Variants in CYB561 observed in about 807,000 individuals in gnomAD.
CYB561 encodes cytochrome b561.
In CYB561, 11 loss-of-function variants were observed where a neutral mutation model predicts 25.3. That is an observed-to-expected ratio of 0.44 (90% CI 0.27 to 0.72). CYB561 has a LOEUF of 0.72. CYB561 is among the 30% of genes least tolerant of loss of function. CYB561 has a pLI of 0.18. For synonymous variants in CYB561, 165 were observed against 158.8 expected (o/e 1.04, Z -0.29); for missense variants, 295 against 334.9 (o/e 0.88, Z 0.93).
chr17:63,437,783 C>A lies in CYB561; in HGVS notation c.-13-223G>T, dbSNP rs11655983. 3.6e-4 allele frequency: 164 copies of A among 456,384 alleles called. 1 individual carries two copies. The highest frequency in any genetic ancestry group is 3.4e-3 in the African/African-American group (134 of 39,506). The allele number at this position is 456,384 out of a possible 1,614,324, so 28.3% of individuals were successfully genotyped here. ...GCCCCTGCTAGATGCGCGCAACACC[C>A]CCCCCGGGTTGCGCACAGCCCCCTC... On this transcript the variant is annotated intron_variant, in intron 1 of 5. Coordinates refer to ENST00000360793, the MANE Select transcript of CYB561 (RefSeq NM_001915.4).
At chr17:63,437,696 G>T in intron 1 of CYB561, 136 bp from the exon 2 acceptor site, 1 of 572,760 alleles carries the variant, frequency 1.7e-6, no homozygotes, top group Non-Finnish European at 2.9e-6. Context: ...GCGCACAGCC[G>T]CCCCCGGAGA....
intron 5 of CYB561, among the ~76,000 whole-genome samples, 185 bp downstream of exon 5, chr17:63,434,901 G>C (rs1426310864): frequency 6.6e-6 from 1 of 152,256 alleles, no homozygotes. Flanking sequence ...CTTTGAAAGG[G>C]TAAAATCAAG....
Position 63,436,658 on chromosome 17 carries a change from A to C in CYB561, c.203-506T>G. On this transcript the variant is annotated intron_variant, in intron 2 of 5. Transcript: ENST00000360793. This position sits in a 1 kb window ranked among gnomAD's most constrained non-coding sequence, Gnocchi z 4.8. Reference sequence around the variant, plus strand: ...GGCTCCTCACACAGGCCCCCACCTAAGCCTGGGCAGATGGTCCTACTCCTA... The same window carrying C: ...GGCTCCTCACACAGGCCCCCACCTACGCCTGGGCAGATGGTCCTACTCCTA... 6.1e-6 allele frequency: 1 copy of C among 163,550 alleles called. No individual in the cohort carries two copies. The highest frequency in any genetic ancestry group is 1.6e-4 in the South Asian group (1 of 6,278). The allele number at this position is 163,550 out of a possible 1,614,324, so 10.1% of individuals were successfully genotyped here. A position where few individuals can be genotyped will look rare whatever the true frequency, so the allele number is the denominator to read the frequency against.
chr17:63,445,878 T>C (rs2049418494), intron 1 of CYB561: 1 of 152,178 alleles, frequency 6.6e-6, no homozygotes, highest in Non-Finnish European at 1.5e-5. Flanking sequence ...CAAAGGCTGG[T>C]TGGTCCATTT....
chr17:63,438,842 G>T (rs377276115), intron 1 of CYB561, among the ~76,000 whole-genome samples: 1 of 152,232 alleles, frequency 6.6e-6, no homozygotes, highest in East Asian at 1.9e-4. Flanking sequence ...CTGGGGATGG[G>T]AGGAGAGGCG....
intron 1 of CYB561, among the ~76,000 whole-genome samples, chr17:63,438,630 G>T (rs2049342665): frequency 2.0e-5 from 3 of 152,328 alleles, no homozygotes; most frequent in Non-Finnish European, 4.4e-5. Flanking sequence ...TTCCAAAACT[G>T]AAGGCCCCCA....
At position 63,436,060 on chromosome 17, in the gene CYB561, G is replaced by C. The variant is rs1210431522; in HGVS notation, c.295C>G (p.Leu99Val). ...LLHIFALVIALVGLVAVFDYH... is the reference protein window; with the variant it reads ...LLHIFALVIAVVGLVAVFDYH... ...GCCGCGCCCGGGAACTCACCAACCA[G>C]GGCGATGACGAGCGCAAAGATGTGC... The change falls in exon 3 of 6, where the codon CTG becomes GTG. Residue 99 changes from leucine (L) to valine (V), a missense_variant. Physicochemically the swap from Leu to Val is conservative, Grantham distance 32. Transcript: ENST00000360793. The surrounding 1 kb of genome is among the most constrained non-coding windows in gnomAD (Gnocchi z 4.8). 1.2e-6 allele frequency: 2 copies of C among 1,614,080 alleles called. No homozygotes were observed. The highest frequency in any genetic ancestry group is 1.3e-5 in the African/African-American group (1 of 74,950).
intron 5 of CYB561, 134 bp downstream of exon 5, chr17:63,434,952 C>T: frequency 1.0e-6 from 1 of 977,096 alleles, no homozygotes; most frequent in Non-Finnish European, 1.5e-6. Context: ...CAAATCTTAG[C>T]AAGCATAACT....
intron 5 of CYB561, among the ~76,000 whole-genome samples, chr17:63,434,847 G>A (rs996443513): frequency 2.0e-5 from 3 of 152,236 alleles, no homozygotes; most frequent in African/African-American, 7.2e-5. Flanking sequence ...TGCAGATCCT[G>A]CTGCGTGGTG....
chr17:63,438,013 G>C (rs1351837380), intron 1 of CYB561: 24 of 1,031,824 alleles, frequency 2.3e-5, no homozygotes, highest in Admixed American at 3.3e-5. Context: ...AGCAGCGCTC[G>C]CTCTCCTACC....
rs1313309016 is a variant in CYB561, at chr17:63,434,045, C to T, written c.*357G>A. On this transcript the variant is annotated 3_prime_UTR_variant, in exon 6 of 6. Coordinates refer to ENST00000360793, the MANE Select transcript of CYB561 (RefSeq NM_001915.4). ...TGTCCCTGAGGCCCCCCCAGTTTCC[C>T]CTGGCCTTGCCCCAGGCATCTGCTG... is the stretch of plus-strand genomic sequence containing the variant. The T allele has an allele frequency of 3.8e-6, 1 of 260,986 alleles. No homozygotes were observed. The highest frequency in any genetic ancestry group is 7.2e-6 in the Non-Finnish European group (1 of 138,268). 16.2% of individuals were successfully genotyped at this position (260,986 alleles called of 1,614,324 possible).
chr17:63,445,107 T>C (rs919487310), intron 1 of CYB561, among the ~76,000 whole-genome samples: 3 of 151,848 alleles, frequency 2.0e-5, no homozygotes, highest in African/African-American at 7.3e-5. Context: ...ACCCGGAAGA[T>C]GGAGGTTGCA....
chr17:63,440,229 C>T (rs2049361235), intron 1 of CYB561: 1 of 398,810 alleles, frequency 2.5e-6, no homozygotes, highest in Non-Finnish European at 4.4e-6. Context: ...CAGCTCGTCC[C>T]AAGTCACCTT....
chr17:63,441,829 C>A (rs72488597), intron 1 of CYB561, among the ~76,000 whole-genome samples: 5,038 of 152,306 alleles, frequency 0.033, 273 homozygotes, highest in African/African-American at 0.11. Context: ...CGGGCGGTGC[C>A]CCCCCTCCTG....
rs2049236894 is a variant in CYB561, at chr17:63,432,581, C to T, written c.*1821G>A. 6.6e-6 allele frequency: 1 copy of T among 152,256 alleles called. No homozygotes were observed. Among genetic ancestry groups the T allele is most frequent in the South Asian group, 2.1e-4 (1 of 4,838 alleles). The allele number at this position is 152,256 out of a possible 1,614,324, so 9.4% of individuals were successfully genotyped here. ...AAGGCGGAGTTTTCCCACATGTAAA[C>T]ATTTCACTATACAAGTGTGTGCCAG... On this transcript the variant is annotated 3_prime_UTR_variant, in exon 6 of 6. Coordinates refer to ENST00000360793, the MANE Select transcript of CYB561 (RefSeq NM_001915.4).
chr17:63,441,040 G>A (rs1303220196), intron 1 of CYB561, among the ~76,000 whole-genome samples: 3 of 152,154 alleles, frequency 2.0e-5, no homozygotes, highest in East Asian at 1.9e-4. Context: ...GGAGAGGCCC[G>A]CAGAGCGAGG....
intron 2 of CYB561, 149 bp downstream of exon 2, chr17:63,437,197 C>G (rs1388868913): frequency 3.0e-6 from 2 of 666,472 alleles, no homozygotes; most frequent in East Asian, 5.5e-5. Context: ...TCCATCTCCC[C>G]AGGCTCTGAA....
In CYB561 at chr17:63,435,108, C is replaced by T; in HGVS notation, c.541G>A (p.Glu181Lys). Reference sequence around the variant, plus strand: ...CACCCGAGGTTGAACAGCAGTGCCTCCTTCAGGCCCAGCAGGGCGGTGCCC... The same window carrying T: ...CACCCGAGGTTGAACAGCAGTGCCTTCTTCAGGCCCAGCAGGGCGGTGCCC... The part of the protein sequence containing the change: ...SVGTALLGLK[E>K]ALLFNLGGKY... Residue 181 changes from glutamate (E) to lysine (K), a missense_variant, in exon 5 of 6, where the codon GAG becomes AAG. By Grantham distance (56) the Glu-to-Lys change is moderately conservative. Coordinates refer to ENST00000360793, the MANE Select transcript of CYB561 (RefSeq NM_001915.4). The T allele has an allele frequency of 6.2e-7, 1 of 1,613,904 alleles. No homozygotes were observed. Among genetic ancestry groups the T allele is most frequent in the Non-Finnish European group, 8.5e-7 (1 of 1,179,914 alleles).
rs1489218813 is a variant in CYB561, at chr17:63,433,095, CA to C, written c.*1306del. 8 of 307,466 alleles carry C rather than the reference CA, an allele frequency of 2.6e-5. No individual in the cohort carries two copies. Among genetic ancestry groups the C allele is most frequent in the Middle Eastern group, 8.7e-4 (1 of 1,144 alleles). The allele number at this position is 307,466 out of a possible 1,614,324, so 19.0% of individuals were successfully genotyped here. ...TGAGCCTGTCGCCCAGGCTGGAGTG[CA>C]ATCTCAGCTCACTGCAAGCGCCATC... is the stretch of plus-strand genomic sequence containing the variant. On this transcript the variant is annotated 3_prime_UTR_variant, in exon 6 of 6. Coordinates refer to ENST00000360793, the MANE Select transcript of CYB561 (RefSeq NM_001915.4).
Sources: gnomAD v4.1 joint callset for allele counts (sites outside exome capture counted in the v4.1 genomes callset) on GRCh38, gnomAD v4.1.1 for gene constraint, Gnocchi (gnomAD v3.1) non-coding constraint, MANE v1.5 for transcripts, NCBI Gene and HGNC (gene_info 2026-07-23, HGNC 2026-07-21) for gene names.